Variants in ITGA9 observed in about 807,000 individuals in gnomAD.
ITGA9 encodes integrin subunit alpha 9, also known as integrin alpha-9.
In ITGA9, 56 loss-of-function variants were observed where a neutral mutation model predicts 127.8. That is an observed-to-expected ratio of 0.44 (90% confidence interval 0.35 to 0.55). The LOEUF is 0.55. ITGA9 is among the 20% of genes least tolerant of loss of function. The pLI, the probability that ITGA9 is intolerant of heterozygous loss-of-function variation, is 0.00. For synonymous variants in ITGA9, 508 were observed against 514.5 expected (o/e 0.99, Z 0.17); for missense variants, 1,196 against 1,347.1 (o/e 0.89, Z 1.76).
chr3:37,752,160 C>T (rs1277051258), intron 23 of ITGA9, among the ~76,000 whole-genome samples: 2 of 152,220 alleles, frequency 1.3e-5, no homozygotes, highest in Admixed American at 6.5e-5. Context: ...CCTGTGGCTC[C>T]GCCCCTCCCT....
intron 18 of ITGA9, among the ~76,000 whole-genome samples, chr3:37,732,179 A>G (rs1355545258): frequency 2.0e-5 from 3 of 152,198 alleles, no homozygotes; most frequent in Non-Finnish European, 2.9e-5. Context: ...TAAGCTGGCT[A>G]CACTTGGAAA....
intron 26 of ITGA9, among the ~76,000 whole-genome samples, chr3:37,786,730 C>T (rs1366837842): frequency 1.3e-5 from 2 of 152,166 alleles, no homozygotes; most frequent in Admixed American, 1.3e-4. Flanking sequence ...AAAATGAATT[C>T]CTGAATGAGT....
At chr3:37,594,136 C>G (rs1699847293) in intron 15 of ITGA9, among the ~76,000 whole-genome samples, 1 of 152,214 alleles carries the variant, frequency 6.6e-6, no homozygotes, top group African/African-American at 2.4e-5. Context: ...CCAGGGCCAT[C>G]TGAGCTCTGG....
At chr3:37,504,705 G>T (rs1157861880) in intron 6 of ITGA9, among the ~76,000 whole-genome samples, 1 of 152,154 alleles carries the variant, frequency 6.6e-6, no homozygotes, top group Non-Finnish European at 1.5e-5. Context: ...CACATTAGAG[G>T]CTCTTATCAG....
intron 15 of ITGA9, among the ~76,000 whole-genome samples, chr3:37,604,926 G>A (rs549073739): frequency 6.6e-6 from 1 of 152,258 alleles, no homozygotes; most frequent in South Asian, 2.1e-4. Context: ...AGTTTATTCA[G>A]CTTATTTCTG....
At chr3:37,580,883 C>CT (rs1364463144) in intron 15 of ITGA9, among the ~76,000 whole-genome samples, 4 of 152,212 alleles carry the variant, frequency 2.6e-5, no homozygotes, top group African/African-American at 9.6e-5. Flanking sequence ...AATTCTGACT[C>CT]TACCATTACT....
intron 1 of ITGA9, among the ~76,000 whole-genome samples, chr3:37,461,351 C>A (rs1698314520): frequency 6.6e-6 from 1 of 152,200 alleles, no homozygotes; most frequent in African/African-American, 2.4e-5. Context: ...TGACCAATTA[C>A]TTCAGCTGTT....
At chr3:37,693,806 A>G (rs757317899) in intron 18 of ITGA9, among the ~76,000 whole-genome samples, 3 of 152,210 alleles carry the variant, frequency 2.0e-5, no homozygotes, top group African/African-American at 7.2e-5. Context: ...GTGCTGGGAC[A>G]GATTACAGCC....
At position 37,804,087 on chromosome 3, in the gene ITGA9, G is replaced by A. The variant is rs1697266640; in HGVS notation, c.3009+145G>A. 10 of 1,272,902 alleles carry A rather than the reference G, an allele frequency of 7.9e-6. No individual in the cohort carries two copies. In the East Asian group the frequency reaches 2.0e-4, roughly 25 times the overall value. 78.9% of individuals were successfully genotyped at this position (1,272,902 alleles called of 1,614,324 possible). ...AGGACAGTGACCCTTCAGGCAGGGA[G>A]TGGAATCTTGGCTCCCCTTGAGGCC... On this transcript the variant is annotated intron_variant, in intron 27 of 27. Coordinates refer to ENST00000264741, the MANE Select transcript of ITGA9 (RefSeq NM_002207.3).
intron 15 of ITGA9, among the ~76,000 whole-genome samples, chr3:37,622,290 C>T (rs184592516): frequency 1.8e-4 from 27 of 152,024 alleles, no homozygotes; most frequent in Admixed American, 1.2e-3. Flanking sequence ...AGGGTTTCAC[C>T]GTGTTAGCCA....
At chr3:37,516,088 G>T (rs919046962) in intron 9 of ITGA9, among the ~76,000 whole-genome samples, 5 of 152,158 alleles carry the variant, frequency 3.3e-5, no homozygotes, top group Non-Finnish European at 5.9e-5. Context: ...CATTTGTGTA[G>T]GAGTCAGGTC....
At chr3:37,719,373 C>G (rs1188907077) in intron 18 of ITGA9, among the ~76,000 whole-genome samples, 2 of 152,138 alleles carry the variant, frequency 1.3e-5, no homozygotes, top group African/African-American at 4.8e-5. Flanking sequence ...TGTGGAGATA[C>G]ACTCTGAAGG....
At chr3:37,619,038 C>T (rs11925542) in intron 15 of ITGA9, among the ~76,000 whole-genome samples, 4,860 of 152,254 alleles carry the variant, frequency 0.032, 107 homozygotes, top group Middle Eastern at 0.061. Context: ...AGAAATCGCC[C>T]GTCTTCTGTG....
intron 15 of ITGA9, among the ~76,000 whole-genome samples, chr3:37,583,547 CCTT>C (rs1699729746): frequency 6.6e-6 from 1 of 152,164 alleles, no homozygotes; most frequent in Admixed American, 6.5e-5. Context: ...AAATAGCTGT[CCTT>C]CTTCTGAATT....
In ITGA9 at chr3:37,452,867, C is replaced by A. The variant is rs1398197834; in HGVS notation, c.185+308C>A. On this transcript the variant is annotated intron_variant, in intron 1 of 27. Coordinates refer to ENST00000264741, the MANE Select transcript of ITGA9 (RefSeq NM_002207.3). This position sits in a 1 kb window ranked among gnomAD's most constrained non-coding sequence, Gnocchi z 7.3. ...GTCTCCTCCGCCGCCCAGCTAGACT[C>A]GGCTTCACTCTCTGAATCGAAAAGT... Among the ~76,000 whole-genome samples the A allele has an allele frequency of 1.3e-5, 2 of 152,188 alleles. No homozygotes were observed. The highest frequency in any genetic ancestry group is 2.4e-5 in the African/African-American group (1 of 41,460).
chr3:37,568,702 C>G (rs1482764953), intron 15 of ITGA9, among the ~76,000 whole-genome samples: 1 of 152,224 alleles, frequency 6.6e-6, no homozygotes, highest in African/African-American at 2.4e-5. Context: ...CCACCAGTCT[C>G]TTTGCTAAAA....
chr3:37,540,508 G>A (rs1699255098), intron 14 of ITGA9, among the ~76,000 whole-genome samples: 1 of 152,200 alleles, frequency 6.6e-6, no homozygotes, highest in Non-Finnish European at 1.5e-5. Context: ...AAAATGGGAG[G>A]TTTTGGTCAA....
In ITGA9 at chr3:37,639,889, A is replaced by G. The variant is rs528289438; in HGVS notation, c.1839+10553A>G. Among the ~76,000 whole-genome samples, 6 of 152,282 alleles carry G rather than the reference A, an allele frequency of 3.9e-5. No homozygotes were observed. In the South Asian group the frequency reaches 1.2e-3, roughly 32 times the overall value. ...TGGTCCGTGTGCTGGGAAGGGAGCAATGCTGTCCTTGGACTGGTCACCTGA... is the reference window on the plus strand; with the variant it reads ...TGGTCCGTGTGCTGGGAAGGGAGCAGTGCTGTCCTTGGACTGGTCACCTGA... On this transcript the variant is annotated intron_variant, in intron 16 of 27. Transcript: ENST00000264741.
intron 17 of ITGA9, among the ~76,000 whole-genome samples, chr3:37,662,490 A>T (rs554829779): frequency 6.6e-6 from 1 of 152,150 alleles, no homozygotes; most frequent in Admixed American, 6.5e-5. Flanking sequence ...TTTACCCTCT[A>T]TTCCTCTCAG....
Sources: gnomAD v4.1 joint callset for allele counts (sites outside exome capture counted in the v4.1 genomes callset) on GRCh38, gnomAD v4.1.1 for gene constraint, Gnocchi (gnomAD v3.1) non-coding constraint, MANE v1.5 for transcripts, NCBI Gene and HGNC (gene_info 2026-07-23, HGNC 2026-07-21) for gene names.